Variants in EXTL1 observed in about 807,000 individuals in gnomAD.
EXTL1 encodes the protein exostosin-like 1.
A neutral mutation model predicts 64.6 loss-of-function variants in EXTL1; 43 were observed. The observed-to-expected ratio is 0.67, with a 90% CI of 0.52 to 0.86. The LOEUF is 0.86. Ranked by LOEUF, EXTL1 falls within the 40% of genes least tolerant of loss-of-function variation. The probability of loss-of-function intolerance (pLI) is 0.00; values close to 1 mark genes in which losing one functional copy is unlikely to be tolerated. For missense variants in EXTL1, 766 were observed against 879.0 expected, an observed-to-expected ratio of 0.87 and a Z score of 1.62; for synonymous variants, 352 against 360.5, an observed-to-expected ratio of 0.98 and a Z score of 0.27.
chr1:26,024,175 G>A (rs2050189751), intron 1 of EXTL1, among the ~76,000 whole-genome samples: 1 of 152,166 alleles, frequency 6.6e-6, no homozygotes, highest in Non-Finnish European at 1.5e-5. Context: ...CTTTCCGCCT[G>A]GGCTAGTTGG....
In EXTL1 at chr1:26,023,218, G is replaced by C; in HGVS notation, c.572G>C (p.Arg191Pro). 1.9e-6 allele frequency: 3 copies of C among 1,610,790 alleles called. No individual in the cohort carries two copies. Among genetic ancestry groups the C allele is most frequent in the Non-Finnish European group, 2.5e-6 (3 of 1,177,890 alleles). ...AEASPTVDSF[R>P]PGFDVALPFL... ...GCCAGCCCCACGGTGGACTCCTTCC[G>C]GCCCGGCTTTGATGTGGCCCTCCCT... The change falls in exon 1 of 11, where the codon CGG becomes CCG. Residue 191 changes from arginine (R) to proline (P), a missense_variant. By Grantham distance (103) the Arg-to-Pro change is moderately radical. Transcript: ENST00000374280.
In EXTL1 at chr1:26,031,240, T is replaced by A. The variant is rs2050282548; in HGVS notation, c.1210T>A (p.Phe404Ile). The A allele has an allele frequency of 6.2e-7, 1 of 1,613,754 alleles. No individual in the cohort carries two copies. Among genetic ancestry groups the A allele is most frequent in the Non-Finnish European group, 8.5e-7 (1 of 1,179,888 alleles). The change falls in exon 5 of 11, where the codon TTC (phenylalanine) becomes ATC (isoleucine). Residue 404 changes from phenylalanine (F) to isoleucine (I), a missense_variant. Coordinates refer to ENST00000374280, the MANE Select transcript of EXTL1 (RefSeq NM_004455.3). ...TACTTTTTCCACAAGCCCCCAGGACTTCCCCTTCTACTACCTGCAACAGGG... is the reference window on the plus strand; with the variant it reads ...TACTTTTTCCACAAGCCCCCAGGACATCCCCTTCTACTACCTGCAACAGGG... Reference protein sequence around the residue: ...LSTFSTSPQDFPFYYLQQGSR... With the variant: ...LSTFSTSPQDIPFYYLQQGSR...
At position 26,033,635 on chromosome 1, in the gene EXTL1, C is replaced by T; in HGVS notation, c.1519-61C>T. 6.4e-7 allele frequency: 1 copy of T among 1,563,724 alleles called. No homozygotes were observed. The highest frequency in any genetic ancestry group is 2.2e-5 in the East Asian group (1 of 44,620). On this transcript the variant is annotated intron_variant, in intron 8 of 10. Transcript: ENST00000374280. This position sits in a 1 kb window ranked among gnomAD's most constrained non-coding sequence, Gnocchi z 5.1. ...AGCCAGGCTGCCCCTGCCTCCATTT[C>T]CCTGGATGTTCTAGGCATTTAGGAG...
intron 1 of EXTL1, among the ~76,000 whole-genome samples, chr1:26,024,805 G>A (rs866396751): frequency 1.3e-5 from 2 of 152,186 alleles, no homozygotes; most frequent in Non-Finnish European, 2.9e-5. Context: ...CTTGCTTGCA[G>A]GAAGTTCTTT....
chr1:26,027,252 C>T (rs780174013), intron 1 of EXTL1, among the ~76,000 whole-genome samples: 38 of 152,278 alleles, frequency 2.5e-4, no homozygotes, highest in African/African-American at 8.7e-4. Flanking sequence ...GAGGCTGCAC[C>T]GGCTGCCTCC....
Position 26,023,136 on chromosome 1 carries a change from C to T in EXTL1, c.490C>T (p.Leu164Phe). Residue 164 changes from leucine to phenylalanine, a missense_variant, in exon 1 of 11, where the codon CTC becomes TTC. Leu to Phe is a conservative substitution (Grantham distance 22, BLOSUM62 0). This residue lies in a region of EXTL1 where 571 missense variants were observed against 647.6 expected (regional missense o/e 0.88). Coordinates refer to ENST00000374280, the MANE Select transcript of EXTL1 (RefSeq NM_004455.3). The part of the protein sequence containing the change: ...NRGRNHLVLR[L>F]HPAPCPRTFQ... ...GGGCAGGAACCATCTGGTCCTCCGT[C>T]TCCACCCGGCTCCCTGCCCCAGGAC... 1 of 1,614,016 alleles carries T rather than the reference C, an allele frequency of 6.2e-7. No homozygotes were observed. Among genetic ancestry groups the T allele is most frequent in the East Asian group, 2.2e-5 (1 of 44,884 alleles).
rs963128728 is a variant in EXTL1 at position 26,033,976 on chromosome 1, C to T, written c.1679+120C>T. On this transcript the variant is annotated intron_variant, in intron 9 of 10. Transcript: ENST00000374280. The surrounding 1 kb of genome is among the most constrained non-coding windows in gnomAD (Gnocchi z 5.1). ...ATCCAGGTTCAAGGCCGAGATCTGC[C>T]ACTTCCCAGCTGTGGGATCCTGGGC... 1.2e-6 allele frequency: 1 copy of T among 861,006 alleles called. No homozygotes were observed. The highest frequency in any genetic ancestry group is 2.1e-5 in the South Asian group (1 of 46,948). The allele number at this position is 861,006 out of a possible 1,614,324, so 53.3% of individuals were successfully genotyped here. A position where few individuals can be genotyped will look rare whatever the true frequency, so the allele number is the denominator to read the frequency against.
rs367732980 is a variant in EXTL1, at chr1:26,035,789, C to G, written c.*442C>G. On this transcript the variant is annotated 3_prime_UTR_variant, in exon 11 of 11. Coordinates refer to ENST00000374280, the MANE Select transcript of EXTL1 (RefSeq NM_004455.3). This position sits in a 1 kb window ranked among gnomAD's most constrained non-coding sequence, Gnocchi z 5.3. The stretch of plus-strand genomic sequence containing the variant: ...GGCGGGTCGTGTCGTGTCCTTTTCT[C>G]TCTGGCTAGGCAGGTGTGCCGCAAA... 1 of 165,636 alleles carries G rather than the reference C, an allele frequency of 6.0e-6. No homozygotes were observed. The highest frequency in any genetic ancestry group is 1.7e-4 in the East Asian group (1 of 5,728). 10.3% of individuals were successfully genotyped at this position (165,636 alleles called of 1,614,324 possible).
chr1:26,035,227 G>T lies in EXTL1; in HGVS notation c.1911G>T (p.Gln637His), dbSNP rs931943573. The T allele has an allele frequency of 2.5e-6, 4 of 1,613,484 alleles. No homozygotes were observed. The highest frequency in any genetic ancestry group is 3.4e-6 in the Non-Finnish European group (4 of 1,179,908). ...PPAPAPDCINQIAAAFGHMPL... is the reference protein window; with the variant it reads ...PPAPAPDCINHIAAAFGHMPL... ...CCCCAGCCCCCGACTGCATCAACCAGATAGCGGCAGCGTTCGGCCACATGC... is the reference window on the plus strand; with the variant it reads ...CCCCAGCCCCCGACTGCATCAACCATATAGCGGCAGCGTTCGGCCACATGC... Residue 637 changes from glutamine (Q) to histidine (H), a missense_variant, in exon 11 of 11, where the codon CAG becomes CAT. Around this residue, in one of 3 missense-constraint regions of EXTL1, gnomAD observed 194 missense variants for 214.5 expected, o/e 0.90. Coordinates refer to ENST00000374280, the MANE Select transcript of EXTL1 (RefSeq NM_004455.3). This position sits in a 1 kb window ranked among gnomAD's most constrained non-coding sequence, Gnocchi z 5.3.
At position 26,023,256 on chromosome 1, in the gene EXTL1, G is replaced by A. The variant is rs1557549113; in HGVS notation, c.610G>A (p.Ala204Thr). The A allele has an allele frequency of 6.3e-6, 10 of 1,593,604 alleles. No homozygotes were observed. Among genetic ancestry groups the A allele is most frequent in the Non-Finnish European group, 6.0e-6 (7 of 1,166,372 alleles). Reference sequence around the variant, plus strand: ...TGTGGCCCTCCCTTTTCTCCCTGAAGCCCACCCGTTGCGAGGTGGGGCTCC... The same window carrying A: ...TGTGGCCCTCCCTTTTCTCCCTGAAACCCACCCGTTGCGAGGTGGGGCTCC... ...FDVALPFLPEAHPLRGGAPGQ... is the reference protein window; with the variant it reads ...FDVALPFLPETHPLRGGAPGQ... Residue 204 changes from alanine to threonine, a missense_variant, in exon 1 of 11, where the codon GCC becomes ACC. Ala to Thr is a moderately conservative substitution (Grantham distance 58, BLOSUM62 0). This residue lies in a region of EXTL1 where 571 missense variants were observed against 647.6 expected (regional missense o/e 0.88). Transcript: ENST00000374280.
chr1:26,023,920 T>G (rs1197468973), intron 1 of EXTL1, among the ~76,000 whole-genome samples: 1 of 152,234 alleles, frequency 6.6e-6, no homozygotes, highest in African/African-American at 2.4e-5. Flanking sequence ...GCCTTCAGTA[T>G]GAGAATTCTG....
chr1:26,024,295 T>G (rs1045716997), intron 1 of EXTL1, among the ~76,000 whole-genome samples: 2 of 152,114 alleles, frequency 1.3e-5, no homozygotes, highest in Admixed American at 6.5e-5. Flanking sequence ...TGGGAGTCCC[T>G]CTGAGGTTGT....
At chr1:26,032,355 C>G (rs1234405833) in intron 6 of EXTL1, 41 bp from the exon 7 acceptor site, 10 of 1,435,966 alleles carry the variant, frequency 7.0e-6, no homozygotes, top group Non-Finnish European at 9.6e-6. Flanking sequence ...CCGCCTTCTG[C>G]CCCAGATCCC....
Position 26,033,924 on chromosome 1 carries a change from C to G in EXTL1, c.1679+68C>G. On this transcript the variant is annotated intron_variant, in intron 9 of 10. Transcript: ENST00000374280. This position sits in a 1 kb window ranked among gnomAD's most constrained non-coding sequence, Gnocchi z 5.1. ...CCAGAGACCCCACCCCCACCCCGAA[C>G]GGAGCAGAGTGGCCTAGACCCCAGG... is the stretch of plus-strand genomic sequence containing the variant. 2 of 1,472,124 alleles carry G rather than the reference C, an allele frequency of 1.4e-6. No homozygotes were observed. The highest frequency in any genetic ancestry group is 9.2e-7 in the Non-Finnish European group (1 of 1,091,944). 91.2% of individuals were successfully genotyped at this position (1,472,124 alleles called of 1,614,324 possible). A position where few individuals can be genotyped will look rare whatever the true frequency, so the allele number is the denominator to read the frequency against.
At chr1:26,029,346 G>A (rs545291055) in intron 2 of EXTL1, 60 bp downstream of exon 2, 10 of 1,365,564 alleles carry the variant, frequency 7.3e-6, no homozygotes, top group Middle Eastern at 1.8e-4. Context: ...GAGCTGGCAG[G>A]GTACTCTGGG....
chr1:26,024,726 C>T (rs1007959632), intron 1 of EXTL1, among the ~76,000 whole-genome samples: 3 of 152,184 alleles, frequency 2.0e-5, no homozygotes, highest in African/African-American at 7.2e-5. Flanking sequence ...GGCAGAAGCT[C>T]ACTTTGAGCG....
Position 26,033,447 on chromosome 1 carries a change from C to T in EXTL1, c.1518+132C>T. On this transcript the variant is annotated intron_variant, in intron 8 of 10. Coordinates refer to ENST00000374280, the MANE Select transcript of EXTL1 (RefSeq NM_004455.3). The surrounding 1 kb of genome is among the most constrained non-coding windows in gnomAD (Gnocchi z 5.1). Reference sequence around the variant, plus strand: ...CAGCCTCTTGCATTTGAAACCACCCCAGCAAGCCAGGCAGCCTCCTCTTTA... The same window carrying T: ...CAGCCTCTTGCATTTGAAACCACCCTAGCAAGCCAGGCAGCCTCCTCTTTA... The T allele has an allele frequency of 2.5e-6, 2 of 805,956 alleles. No homozygotes were observed. The highest frequency in any genetic ancestry group is 4.1e-6 in the Non-Finnish European group (2 of 485,184). The allele number at this position is 805,956 out of a possible 1,614,324, so 49.9% of individuals were successfully genotyped here. A position where few individuals can be genotyped will look rare whatever the true frequency, so the allele number is the denominator to read the frequency against.
chr1:26,032,498 G>A lies in EXTL1; in HGVS notation c.1431+13G>A. 6.5e-7 allele frequency: 1 copy of A among 1,547,024 alleles called. No individual in the cohort carries two copies. Among genetic ancestry groups the A allele is most frequent in the East Asian group, 2.5e-5 (1 of 40,816 alleles). ...TGGGCACAGGAAGGTAAGGGATGAGGAGAGCCATGAAAGGGGTGGGCCCAT... is the reference window on the plus strand; with the variant it reads ...TGGGCACAGGAAGGTAAGGGATGAGAAGAGCCATGAAAGGGGTGGGCCCAT... On this transcript the variant is annotated intron_variant, in intron 7 of 10. Transcript: ENST00000374280.
rs1237580965 is a variant in EXTL1, at chr1:26,025,875, C to A, written c.779+2450C>A. On this transcript the variant is annotated intron_variant, in intron 1 of 10. Coordinates refer to ENST00000374280, the MANE Select transcript of EXTL1 (RefSeq NM_004455.3). The surrounding 1 kb of genome is among the most constrained non-coding windows in gnomAD (Gnocchi z 5.3). Reference sequence around the variant, plus strand: ...ATAAATTTGAGGCATGCTTCAAAGTCCCCCAGGCTGTATCCATTGGGAACA... The same window carrying A: ...ATAAATTTGAGGCATGCTTCAAAGTACCCCAGGCTGTATCCATTGGGAACA... Among the ~76,000 whole-genome samples, 1 of 152,146 alleles carries A rather than the reference C, an allele frequency of 6.6e-6. No individual in the cohort carries two copies. The highest frequency in any genetic ancestry group is 2.4e-5 in the African/African-American group (1 of 41,420).
Sources: gnomAD v4.1 joint callset for allele counts (sites outside exome capture counted in the v4.1 genomes callset) on GRCh38, gnomAD v4.1.1 for gene constraint, gnomAD v4.1.1 regional missense constraint, Gnocchi (gnomAD v3.1) non-coding constraint, MANE v1.5 for transcripts, NCBI Gene and HGNC (gene_info 2026-07-23, HGNC 2026-07-21) for gene names.